The following BEND6 variants were observed in gnomAD, a reference collection of about 807,000 sequenced individuals.
The protein encoded by BEND6 is BEN domain-containing protein 6.
A neutral mutation model predicts 31.8 loss-of-function variants in BEND6; 24 were observed. That is an observed-to-expected ratio of 0.75 (90% confidence interval 0.55 to 1.06). The LOEUF (loss-of-function observed/expected upper bound fraction) is 1.06. Among genes scored for constraint, BEND6 ranks in the 50% least tolerant of loss-of-function variants. The pLI is 0.00. For missense variants in BEND6, 294 were observed against 327.4 expected, an observed-to-expected ratio of 0.90 and a Z score of 0.79; for synonymous variants, 109 against 114.6, an observed-to-expected ratio of 0.95 and a Z score of 0.31.
intron 3 of BEND6, among the ~76,000 whole-genome samples, chr6:57,006,032 A>C (rs1314940635): frequency 1.3e-5 from 2 of 152,194 alleles, no homozygotes; most frequent in African/African-American, 4.8e-5. Flanking sequence ...CTATCCTAAA[A>C]GCAGTGTGGC....
intron 3 of BEND6, among the ~76,000 whole-genome samples, chr6:57,014,795 A>G (rs1027118423): frequency 6.6e-6 from 1 of 152,212 alleles, no homozygotes; most frequent in Non-Finnish European, 1.5e-5. Flanking sequence ...TCCAAACAAG[A>G]GATTCAACTC....
At chr6:57,021,698 T>C (rs868353293) in intron 6 of BEND6, among the ~76,000 whole-genome samples, 2 of 152,292 alleles carry the variant, frequency 1.3e-5, no homozygotes, top group East Asian at 3.8e-4. Flanking sequence ...GGCTATCACC[T>C]CTATAACATC....
At chr6:56,982,725 G>C (rs1261947383) in intron 2 of BEND6, among the ~76,000 whole-genome samples, 1 of 151,746 alleles carries the variant, frequency 6.6e-6, no homozygotes. Flanking sequence ...TCACATCCCT[G>C]TCTCCCACCT....
chr6:56,995,320 C>G (rs1826667514), intron 3 of BEND6, among the ~76,000 whole-genome samples: 1 of 151,994 alleles, frequency 6.6e-6, no homozygotes, highest in East Asian at 1.9e-4. Flanking sequence ...AAACTCTTGA[C>G]TATACACACT....
intron 3 of BEND6, among the ~76,000 whole-genome samples, chr6:56,999,405 C>T (rs1039674088): frequency 6.6e-6 from 1 of 152,250 alleles, no homozygotes; most frequent in Non-Finnish European, 1.5e-5. Flanking sequence ...ATCCTCACTG[C>T]TCCACATTCA....
chr6:56,978,101 C>T (rs1396024350), intron 1 of BEND6, among the ~76,000 whole-genome samples: 1 of 146,686 alleles, frequency 6.8e-6, no homozygotes, highest in Non-Finnish European at 1.5e-5. Flanking sequence ...CCTGTCTCTA[C>T]AAAAACAAAA....
At position 56,981,867 on chromosome 6, in the gene BEND6, AAAGAGGAAAAGAAC is replaced by A; in HGVS notation, c.59_72del (p.Lys20ArgfsTer10). The A allele has an allele frequency of 6.2e-7, 1 of 1,613,278 alleles. No individual in the cohort carries two copies. The highest frequency in any genetic ancestry group is 1.1e-5 in the South Asian group (1 of 91,006). On this transcript the variant is annotated frameshift_variant, in exon 2 of 7. Transcript: ENST00000370746. LOFTEE classifies it high-confidence loss of function. ...CCAATACACAAGCTTTTAGAAAAGG[AAAGAGGAAAAGAAC>A]AGAGACAATGGACTCAGAAAATGCA...
At chr6:56,989,091 T>C in intron 2 of BEND6, among the ~76,000 whole-genome samples, 1 of 150,942 alleles carries the variant, frequency 6.6e-6, no homozygotes. Context: ...TATACACAAC[T>C]ATAATGTAGT....
intron 3 of BEND6, chr6:57,008,546 T>G (rs1367448362): frequency 3.4e-6 from 1 of 296,728 alleles, no homozygotes; most frequent in Non-Finnish European, 6.2e-6. Context: ...GCAGCCTGGG[T>G]GACAGACACA....
At chr6:56,966,469 C>G (rs1825483695) in intron 1 of BEND6, among the ~76,000 whole-genome samples, 1 of 152,108 alleles carries the variant, frequency 6.6e-6, no homozygotes, top group African/African-American at 2.4e-5. Flanking sequence ...CAATAATAGC[C>G]AAGAAGAAAA....
chr6:57,016,858 G>C (rs1374584575), intron 4 of BEND6, among the ~76,000 whole-genome samples: 3 of 152,124 alleles, frequency 2.0e-5, no homozygotes, highest in African/African-American at 7.2e-5. Flanking sequence ...ATTAGGATGT[G>C]ACCTTTCAGA....
intron 1 of BEND6, among the ~76,000 whole-genome samples, chr6:56,958,366 A>G (rs1360301071): frequency 6.6e-6 from 1 of 152,220 alleles, no homozygotes; most frequent in Non-Finnish European, 1.5e-5. Flanking sequence ...TAATGTATGG[A>G]TCAAGAAGAA....
chr6:56,999,413 T>C (rs900781112), intron 3 of BEND6, among the ~76,000 whole-genome samples: 1 of 152,216 alleles, frequency 6.6e-6, no homozygotes, highest in African/African-American at 2.4e-5. Context: ...TGCTCCACAT[T>C]CAAGCAGATC....
rs181516286 is a variant in BEND6, at chr6:57,026,441, G to A, written c.*369G>A. On this transcript the variant is annotated 3_prime_UTR_variant, in exon 7 of 7. Coordinates refer to ENST00000370746, the MANE Select transcript of BEND6 (RefSeq NM_152731.3). ...ATAGCAGCCAAAACTTCAGCCCATA[G>A]GTTAGTCATTGTCCTAACCAATCAT... The A allele has an allele frequency of 5.3e-5, 8 of 152,294 alleles. No individual in the cohort carries two copies. Among genetic ancestry groups the A allele is most frequent in the African/African-American group, 1.9e-4 (8 of 41,566 alleles). The allele number at this position is 152,294 out of a possible 1,614,324, so 9.4% of individuals were successfully genotyped here.
At chr6:56,988,503 A>G (rs1197929323) in intron 2 of BEND6, among the ~76,000 whole-genome samples, 1 of 152,174 alleles carries the variant, frequency 6.6e-6, no homozygotes, top group Admixed American at 6.5e-5. Context: ...TGATTATTGA[A>G]TGTTTACTAT....
intron 1 of BEND6, among the ~76,000 whole-genome samples, chr6:56,977,794 G>A (rs1055426034): frequency 4.0e-5 from 6 of 151,878 alleles, no homozygotes; most frequent in African/African-American, 7.3e-5. Context: ...CCATCTCTAC[G>A]AAAAATAAAA....
intron 2 of BEND6, among the ~76,000 whole-genome samples, chr6:56,989,151 CAT>C (rs1226435328): frequency 3.3e-5 from 5 of 150,388 alleles, no homozygotes; most frequent in African/African-American, 7.3e-5. Flanking sequence ...GATTATATAT[CAT>C]ATGTGATATA....
rs1280293094 is a variant in BEND6, at chr6:57,017,222, T to C, written c.535T>C (p.Trp179Arg). ...ATCTTTTTAGTTCCAGATTGAAAAA[T>C]GGCAGATTGCCCGTTGTAACAAGAG... The part of the protein sequence containing the change: ...TDEKQFQIEK[W>R]QIARCNKSKP... The change falls in exon 5 of 7, where the codon TGG (tryptophan) becomes CGG (arginine). Residue 179 changes from tryptophan to arginine, a missense_variant. Trp to Arg is a moderately radical substitution (Grantham distance 101). Transcript: ENST00000370746. The C allele has an allele frequency of 7.0e-6, 11 of 1,573,122 alleles. No homozygotes were observed. Among genetic ancestry groups the C allele is most frequent in the Admixed American group, 3.7e-5 (2 of 54,186 alleles).
chr6:56,970,813 G>C (rs1355870157), intron 1 of BEND6, among the ~76,000 whole-genome samples: 1 of 152,142 alleles, frequency 6.6e-6, no homozygotes, highest in Non-Finnish European at 1.5e-5. Flanking sequence ...GGTTGGTCTT[G>C]AGTGAATTGT....
Sources: allele counts gnomAD v4.1 joint callset (sites outside exome capture counted in the v4.1 genomes callset), GRCh38; gene constraint gnomAD v4.1.1; transcripts MANE v1.5; gene names NCBI Gene and HGNC (gene_info 2026-07-23, HGNC 2026-07-21).